Variants in NMT2 observed in about 807,000 individuals in gnomAD.
The protein encoded by NMT2 is glycylpeptide N-tetradecanoyltransferase 2.
A neutral mutation model predicts 65.4 loss-of-function variants in NMT2; 35 were observed. That is an observed-to-expected ratio of 0.54 (90% CI 0.41 to 0.71). The LOEUF is 0.71. Ranked by LOEUF, NMT2 falls within the 30% of genes least tolerant of loss-of-function variation. The pLI is 0.00. For synonymous variants in NMT2, 226 were observed against 231.8 expected, an observed-to-expected ratio of 0.98 and a Z score of 0.23; for missense variants, 489 against 611.3, an observed-to-expected ratio of 0.80 and a Z score of 2.11.
downstream of NMT2, among the ~76,000 whole-genome samples, chr10:15,105,744 G>A (rs1458699814): frequency 2.0e-5 from 3 of 152,298 alleles, no homozygotes; most frequent in Non-Finnish European, 1.5e-5. Context: ...GTACAATGCA[G>A]TTTTAAATCT....
At chr10:15,151,329 T>C (rs1485268961) in intron 1 of NMT2, among the ~76,000 whole-genome samples, 2 of 152,174 alleles carry the variant, frequency 1.3e-5, no homozygotes, top group Non-Finnish European at 2.9e-5. Context: ...AGTGCTAGGA[T>C]TGTAGGTGTG....
chr10:15,133,396 C>A (rs979052648), intron 3 of NMT2, 33 bp from the exon 4 acceptor site: 8 of 1,495,430 alleles, frequency 5.3e-6, no homozygotes, highest in African/African-American at 4.2e-5. Flanking sequence ...AAAAGAAAGG[C>A]AAAAAGCGAG....
At position 15,106,962 on chromosome 10, in the gene NMT2, G is replaced by A. The variant is rs1206795069; in HGVS notation, c.*2233C>T. On this transcript the variant is annotated 3_prime_UTR_variant, in exon 12 of 12. Coordinates refer to ENST00000378165, the MANE Select transcript of NMT2 (RefSeq NM_004808.3). The stretch of plus-strand genomic sequence containing the variant: ...CAAAAAATGAAAAACTTAGCCAGGC[G>A]TGGTGGTATGCACGCCCAGCTAGTT... 6.6e-6 allele frequency among the ~76,000 whole-genome samples: 1 copy of A among 152,152 alleles called. No individual in the cohort carries two copies. Among genetic ancestry groups the A allele is most frequent in the East Asian group, 1.9e-4 (1 of 5,198 alleles).
intron 1 of NMT2, among the ~76,000 whole-genome samples, chr10:15,158,925 C>G (rs963495567): frequency 6.6e-6 from 1 of 152,160 alleles, no homozygotes; most frequent in Non-Finnish European, 1.5e-5. Context: ...ATTTACCCCC[C>G]AAAGGTGCCA....
intron 1 of NMT2, among the ~76,000 whole-genome samples, chr10:15,144,623 C>T (rs898093200): frequency 3.3e-5 from 5 of 152,030 alleles, no homozygotes; most frequent in Non-Finnish European, 5.9e-5. Context: ...CCCAGCTACT[C>T]AGGAGGCTGA....
At chr10:15,112,608 A>T (rs1845599625) in intron 10 of NMT2, among the ~76,000 whole-genome samples, 188 bp downstream of exon 10, 1 of 152,138 alleles carries the variant, frequency 6.6e-6, no homozygotes, top group Non-Finnish European at 1.5e-5. Context: ...AAAATTAATG[A>T]TGAAAATAGC....
intron 8 of NMT2, among the ~76,000 whole-genome samples, chr10:15,120,215 T>C (rs1845881201): frequency 6.6e-6 from 1 of 152,188 alleles, no homozygotes; most frequent in Non-Finnish European, 1.5e-5. Context: ...CCCAGCACTT[T>C]GGGAGGCTGA....
At chr10:15,137,063 G>A (rs913295033) in intron 2 of NMT2, among the ~76,000 whole-genome samples, 1 of 152,146 alleles carries the variant, frequency 6.6e-6, no homozygotes, top group Non-Finnish European at 1.5e-5. Context: ...TCAACACAGG[G>A]TGGACACCAT....
rs1182864895 is a variant in NMT2 at position 15,136,220 on chromosome 10, AGGAAAG to A, written c.247-808_247-803del. ...TGGGTGACAAGAGCAAGACTCTGTCAGGAAAGGGAAAGGGAAAGGGAAAGGAAGGGA... is the reference window on the plus strand; with the variant it reads ...TGGGTGACAAGAGCAAGACTCTGTCAGGAAAGGGAAAGGGAAAGGAAGGGA... On this transcript the variant is annotated intron_variant, in intron 2 of 11. Transcript: ENST00000378165. 4.4e-4 allele frequency among the ~76,000 whole-genome samples: 64 copies of A among 144,798 alleles called. 1 individual carries two copies. The highest frequency in any genetic ancestry group is 7.9e-4 in the African/African-American group (31 of 39,430). The allele number at this position is 144,798 out of a possible 152,430, so 95.0% of individuals were successfully genotyped here. A position where few individuals can be genotyped will look rare whatever the true frequency, so the allele number is the denominator to read the frequency against.
Position 15,108,785 on chromosome 10 carries a change from T to TGTACCATCACTTAA in NMT2, c.*396_*409dup. The TGTACCATCACTTAA allele has an allele frequency of 9.7e-7, 1 of 1,033,762 alleles. No homozygotes were observed. The highest frequency in any genetic ancestry group is 1.2e-6 in the Non-Finnish European group (1 of 862,336). 64.0% of individuals were successfully genotyped at this position (1,033,762 alleles called of 1,614,324 possible). ...TCTTTTGTTCTGTTACATGGACAAATGTACCATCACTTAAGAAACAGAAAT... is the reference window on the plus strand; with the variant it reads ...TCTTTTGTTCTGTTACATGGACAAATGTACCATCACTTAAGTACCATCACTTAAGAAACAGAAAT... On this transcript the variant is annotated 3_prime_UTR_variant, in exon 12 of 12. Transcript: ENST00000378165.
chr10:15,133,373 G>T lies in NMT2; in HGVS notation c.392-10C>A. 2 of 1,572,766 alleles carry T rather than the reference G, an allele frequency of 1.3e-6. No homozygotes were observed. Among genetic ancestry groups the T allele is most frequent in the Non-Finnish European group, 1.8e-6 (2 of 1,142,422 alleles). ...GATGTTATGACTTCATCTGAACAGG[G>T]AGAGAAAGAGAAAAAAGAAAGGCAA... On this transcript the variant is annotated splice_polypyrimidine_tract_variant and intron_variant, in intron 3 of 11. Transcript: ENST00000378165.
At position 15,108,476 on chromosome 10, in the gene NMT2, C is replaced by T. The variant is rs574048567; in HGVS notation, c.*719G>A. 1.5e-5 allele frequency: 15 copies of T among 985,186 alleles called. No individual in the cohort carries two copies. The South Asian group carries it at 4.2e-4, about 28-fold the overall frequency. The allele number at this position is 985,186 out of a possible 1,614,324, so 61.0% of individuals were successfully genotyped here. ...CTGGGATTACAGGCGTGAGCCACCA[C>T]GCCCGGCCTCAGGCTCTTTCAGAGA... On this transcript the variant is annotated 3_prime_UTR_variant, in exon 12 of 12. Transcript: ENST00000378165.
In NMT2 at chr10:15,135,189, T is replaced by TG. The variant is rs200227057; in HGVS notation, c.391+84dup. 3.6e-3 allele frequency: 4,623 copies of TG among 1,287,740 alleles called. 99 individuals carry two copies. In the African/African-American group the frequency reaches 0.063, roughly 18 times the overall value. 79.8% of individuals were successfully genotyped at this position (1,287,740 alleles called of 1,614,324 possible). ...ATACATGTGAAGTTAACACTCTTTG[T>TG]GTTTTGTTGTTGTTGTTGTTGTTGT... On this transcript the variant is annotated intron_variant, in intron 3 of 11. Coordinates refer to ENST00000378165, the MANE Select transcript of NMT2 (RefSeq NM_004808.3).
rs1373470060 is a variant in NMT2, at chr10:15,119,406, A to C, written c.1107T>G (p.Asp369Glu). Residue 369 changes from aspartate (D) to glutamate (E), a missense_variant, in exon 9 of 12, where the codon GAT (aspartate) becomes GAG (glutamate). Physicochemically the swap from Asp to Glu is conservative, Grantham distance 45. Coordinates refer to ENST00000378165, the MANE Select transcript of NMT2 (RefSeq NM_004808.3). ...LKQFHLAPVM[D>E]EEEVAHWFLP... ...GGAACCAGTGGGCTACTTCCTCTTCATCCATCACTGGAGCCAGATGAAACT... is the reference window on the plus strand; with the variant it reads ...GGAACCAGTGGGCTACTTCCTCTTCCTCCATCACTGGAGCCAGATGAAACT... 12 of 1,614,042 alleles carry C rather than the reference A, an allele frequency of 7.4e-6. No homozygotes were observed. The highest frequency in any genetic ancestry group is 1.0e-5 in the Non-Finnish European group (12 of 1,180,030).
At chr10:15,136,293 AGAGAGAGAAG>A (rs1846496482) in intron 2 of NMT2, among the ~76,000 whole-genome samples, 1 of 149,452 alleles carries the variant, frequency 6.7e-6, no homozygotes, top group Admixed American at 6.7e-5. Context: ...AAGGAGGGAG[AGAGAGAGAAG>A]GAGAGAGAAA....
At chr10:15,163,428 G>A (rs1833268632) in intron 1 of NMT2, among the ~76,000 whole-genome samples, 1 of 152,130 alleles carries the variant, frequency 6.6e-6, no homozygotes. Flanking sequence ...AATTTGTTCT[G>A]GGCCAAAGGG....
intron 1 of NMT2, among the ~76,000 whole-genome samples, chr10:15,149,999 T>C (rs533302661): frequency 6.6e-6 from 1 of 152,338 alleles, no homozygotes; most frequent in East Asian, 1.9e-4. Context: ...TTTATGGAAT[T>C]GTAATAGATC....
rs200230286 is a variant in NMT2, at chr10:15,122,933, TA to T, written c.1000-3421del. On this transcript the variant is annotated intron_variant, in intron 8 of 11. Coordinates refer to ENST00000378165, the MANE Select transcript of NMT2 (RefSeq NM_004808.3). Reference sequence around the variant, plus strand: ...ATACTAGTGTTATTATGAAAATAGTTAAAAAAAAAAAATGACTGCATAGATT... The same window carrying T: ...ATACTAGTGTTATTATGAAAATAGTTAAAAAAAAAAATGACTGCATAGATT... Among the ~76,000 whole-genome samples the T allele has an allele frequency of 5.1e-3, 745 of 145,944 alleles. 3 individuals carry two copies. The highest frequency in any genetic ancestry group is 0.014 in the African/African-American group (550 of 40,256).
chr10:15,119,121 T>C (rs1030724147), intron 9 of NMT2, among the ~76,000 whole-genome samples: 1 of 152,240 alleles, frequency 6.6e-6, no homozygotes, highest in African/African-American at 2.4e-5. Flanking sequence ...ACCATATTCC[T>C]CAACACCACA....
Sources: allele counts gnomAD v4.1 joint callset (sites outside exome capture counted in the v4.1 genomes callset), GRCh38; gene constraint gnomAD v4.1.1; transcripts MANE v1.5; gene names NCBI Gene and HGNC (gene_info 2026-07-23, HGNC 2026-07-21).